Variants in TASOR observed in about 807,000 individuals in gnomAD.
TASOR encodes the protein transcription activation suppressor, also known as protein TASOR.
In TASOR, 53 loss-of-function variants were observed where a neutral mutation model predicts 178.6. That is an observed-to-expected ratio of 0.30 (90% CI 0.24 to 0.37). TASOR has a LOEUF of 0.37. Among genes scored for constraint, TASOR ranks in the 10% least tolerant of loss-of-function variants. TASOR has a pLI of 1.00. For synonymous variants in TASOR, 713 were observed against 696.2 expected (o/e 1.02, Z -0.38); for missense variants, 1,815 against 1,971.4 (o/e 0.92, Z 1.50).
rs773591992 is a variant in TASOR at position 56,621,390 on chromosome 3, A to G, written c.*1647T>C. ...ATATCCAAATGAGGTGGTCTAGTACAAGCATTTCTGAAAAAATTTTTGAAT... is the reference window on the plus strand; with the variant it reads ...ATATCCAAATGAGGTGGTCTAGTACGAGCATTTCTGAAAAAATTTTTGAAT... On this transcript the variant is annotated 3_prime_UTR_variant, in exon 24 of 24. Coordinates refer to ENST00000683822, the MANE Select transcript of TASOR (RefSeq NM_001365635.2). The G allele has an allele frequency of 5.7e-6, 3 of 526,868 alleles. No homozygotes were observed. The highest frequency in any genetic ancestry group is 1.0e-5 in the Non-Finnish European group (3 of 295,036). 32.6% of individuals were successfully genotyped at this position (526,868 alleles called of 1,614,324 possible).
intron 13 of TASOR, among the ~76,000 whole-genome samples, chr3:56,647,664 T>C (rs2077263712): frequency 6.6e-6 from 1 of 152,150 alleles, no homozygotes; most frequent in Non-Finnish European, 1.5e-5. Flanking sequence ...AGATGCTGAG[T>C]AGCCACAACT....
rs2077293946 is a variant in TASOR at position 56,648,987 on chromosome 3, T to C, written c.1439A>G (p.Tyr480Cys). ...TTTATTAAAGAGAGACCACCTACCA[T>C]ATGGAGGAACCATCTGATAAGGGGA... Reference protein sequence around the residue: ...LLSPYQMVPPYEYQTAKSRVL... With the variant: ...LLSPYQMVPPCEYQTAKSRVL... Residue 480 changes from tyrosine to cysteine, a missense_variant and splice_region_variant, in exon 12 of 24, where the codon TAT (tyrosine) becomes TGT (cysteine). Physicochemically the swap from Tyr to Cys is radical, Grantham distance 194. This residue lies in a region of TASOR where 504 missense variants were observed against 645.3 expected (regional missense o/e 0.78). Coordinates refer to ENST00000683822, the MANE Select transcript of TASOR (RefSeq NM_001365635.2). 3.1e-6 allele frequency: 5 copies of C among 1,606,764 alleles called. No homozygotes were observed. The highest frequency in any genetic ancestry group is 4.5e-5 in the East Asian group (2 of 44,782).
At chr3:56,636,409 GT>G (rs1373154760) in intron 17 of TASOR, among the ~76,000 whole-genome samples, 8 of 151,938 alleles carry the variant, frequency 5.3e-5, no homozygotes, top group African/African-American at 1.9e-4. Flanking sequence ...TGGTGGTGTT[GT>G]TGTTGTTGTT....
chr3:56,681,597 CTG>C (rs768744371), intron 1 of TASOR, among the ~76,000 whole-genome samples: 2 of 152,310 alleles, frequency 1.3e-5, no homozygotes, highest in South Asian at 2.1e-4. Context: ...AGCCAAGACT[CTG>C]TACCAGATGG....
chr3:56,641,337 C>A lies in TASOR; in HGVS notation c.2619+12G>T. On this transcript the variant is annotated intron_variant, in intron 15 of 23. Coordinates refer to ENST00000683822, the MANE Select transcript of TASOR (RefSeq NM_001365635.2). ...TCACAAACACAAAGGTAACCAACAG[C>A]TATATGCTTACTTCTTTCAAATGTA... 6.3e-7 allele frequency: 1 copy of A among 1,577,782 alleles called. No homozygotes were observed. Among genetic ancestry groups the A allele is most frequent in the Non-Finnish European group, 8.7e-7 (1 of 1,153,956 alleles).
intron 6 of TASOR, among the ~76,000 whole-genome samples, chr3:56,667,736 G>C (rs2030194730): frequency 6.6e-6 from 1 of 152,170 alleles, no homozygotes; most frequent in Admixed American, 6.6e-5. Flanking sequence ...AGGAGTTCTA[G>C]ACCAGCCTGG....
intron 14 of TASOR, 81 bp from the exon 15 acceptor site, chr3:56,641,833 T>C: frequency 7.2e-7 from 1 of 1,393,470 alleles, no homozygotes; most frequent in Non-Finnish European, 9.7e-7. Flanking sequence ...CCTAAAAAAT[T>C]ATCATAAAGC....
At chr3:56,676,945 T>C (rs2031352787) in intron 1 of TASOR, among the ~76,000 whole-genome samples, 1 of 152,244 alleles carries the variant, frequency 6.6e-6, no homozygotes. Flanking sequence ...ATCCTAATTA[T>C]TTTGTATTGC....
Position 56,682,966 on chromosome 3 carries a change from T to C in TASOR, c.41A>G (p.Asp14Gly). 2.6e-6 allele frequency: 4 copies of C among 1,549,300 alleles called. No individual in the cohort carries two copies. The highest frequency in any genetic ancestry group is 3.5e-6 in the Non-Finnish European group (4 of 1,146,244). ...AVETEACQPT[D>G]ASWESGGGGD... Reference sequence around the variant, plus strand: ...GCCGCCGCCACTTTCCCAACTCGCATCCGTCGGCTGACAGGCCTCCGTCTC... The same window carrying C: ...GCCGCCGCCACTTTCCCAACTCGCACCCGTCGGCTGACAGGCCTCCGTCTC... The change falls in exon 1 of 24, where the codon GAT (aspartate) becomes GGT (glycine). Residue 14 changes from aspartate (D) to glycine (G), a missense_variant. Asp to Gly is a moderately conservative substitution (Grantham distance 94). Transcript: ENST00000683822.
At position 56,633,365 on chromosome 3, in the gene TASOR, C is replaced by T; in HGVS notation, c.3426G>A (p.Leu1142=). 1.2e-6 allele frequency: 2 copies of T among 1,614,126 alleles called. No individual in the cohort carries two copies. The highest frequency in any genetic ancestry group is 1.7e-6 in the Non-Finnish European group (2 of 1,180,016). ...HLLEPLCSDP[L]KDTNSDEQHS... is the part of the protein sequence containing the mutation. Reference sequence around the variant, plus strand: ...GCTGCTCATCAGAGTTGGTATCTTTCAAAGGATCACTACACAGTGGCTCAA... The same window carrying T: ...GCTGCTCATCAGAGTTGGTATCTTTTAAAGGATCACTACACAGTGGCTCAA... Residue 1142 remains leucine, a synonymous_variant, in exon 18 of 24, where the codon TTG becomes TTA. Coordinates refer to ENST00000683822, the MANE Select transcript of TASOR (RefSeq NM_001365635.2).
intron 17 of TASOR, among the ~76,000 whole-genome samples, chr3:56,635,140 T>C (rs1193667760): frequency 1.3e-5 from 2 of 152,204 alleles, no homozygotes; most frequent in Non-Finnish European, 2.9e-5. Context: ...AAGGTTTAAA[T>C]AGCCTCACTA....
At chr3:56,629,871 A>G (rs2076873495) in intron 18 of TASOR, among the ~76,000 whole-genome samples, 1 of 152,102 alleles carries the variant, frequency 6.6e-6, no homozygotes, top group Non-Finnish European at 1.5e-5. Flanking sequence ...CACCTTCTAC[A>G]CTGATTTTGA....
chr3:56,668,700 G>C, intron 5 of TASOR, 142 bp from the exon 6 acceptor site: 1 of 672,270 alleles, frequency 1.5e-6, no homozygotes, highest in Non-Finnish European at 2.4e-6. Context: ...ACAGCTGGGC[G>C]CGGTGACTCA....
rs2076963604 is a variant in TASOR at position 56,633,803 on chromosome 3, A to T, written c.2988T>A (p.Gly996=). The change falls in exon 18 of 24, where the codon GGT becomes GGA. Residue 996 remains glycine (G), a synonymous_variant. Transcript: ENST00000683822. ...CTGGCACACACTGCTCCTCCACCTG[A>T]CCTGTCAACACGTCATCCTCAGTGG... is the stretch of plus-strand genomic sequence containing the variant. ...KGTTEDDVLT[G]QVEEQCVPAA... 1 of 1,613,952 alleles carries T rather than the reference A, an allele frequency of 6.2e-7. No individual in the cohort carries two copies. Among genetic ancestry groups the T allele is most frequent in the Non-Finnish European group, 8.5e-7 (1 of 1,180,028 alleles).
chr3:56,636,410 T>G lies in TASOR; in HGVS notation c.2824+2296A>C, dbSNP rs183671169. The stretch of plus-strand genomic sequence containing the variant: ...GTTGTTGGTGGTGGTGGTGGTGTTG[T>G]TGTTGTTGTTGTTGAGACAGAGACT... On this transcript the variant is annotated intron_variant, in intron 17 of 23. Transcript: ENST00000683822. Among the ~76,000 whole-genome samples the G allele has an allele frequency of 6.8e-3, 1,029 of 152,096 alleles. 10 individuals carry two copies. The highest frequency in any genetic ancestry group is 0.023 in the African/African-American group (968 of 41,490).
chr3:56,664,528 A>G (rs1445118552), intron 7 of TASOR, among the ~76,000 whole-genome samples: 4 of 152,228 alleles, frequency 2.6e-5, no homozygotes, highest in African/African-American at 9.6e-5. Context: ...TCACCTACAT[A>G]AAAGGACCGT....
intron 8 of TASOR, among the ~76,000 whole-genome samples, chr3:56,663,248 A>G (rs2077636964): frequency 6.6e-6 from 1 of 152,196 alleles, no homozygotes; most frequent in Non-Finnish European, 1.5e-5. Context: ...ATCTTCTCTA[A>G]TTCTAAGTCC....
rs2076660059 is a variant in TASOR at position 56,621,710 on chromosome 3, A to T, written c.*1327T>A. 10 of 791,840 alleles carry T rather than the reference A, an allele frequency of 1.3e-5. No homozygotes were observed. Among genetic ancestry groups the T allele is most frequent in the Middle Eastern group, 3.4e-4 (1 of 2,964 alleles). 49.1% of individuals were successfully genotyped at this position (791,840 alleles called of 1,614,324 possible). A position where few individuals can be genotyped will look rare whatever the true frequency, so the allele number is the denominator to read the frequency against. Reference sequence around the variant, plus strand: ...CAACTGTATTTTTCAAATAGCCTAGATTTACTTATTTTTTTAAATGCTCAT... The same window carrying T: ...CAACTGTATTTTTCAAATAGCCTAGTTTTACTTATTTTTTTAAATGCTCAT... On this transcript the variant is annotated 3_prime_UTR_variant, in exon 24 of 24. Transcript: ENST00000683822.
chr3:56,626,674 T>C (rs1578184185), intron 21 of TASOR, among the ~76,000 whole-genome samples: 2 of 151,438 alleles, frequency 1.3e-5, no homozygotes, highest in African/African-American at 4.9e-5. Context: ...ACCCAGGAGG[T>C]GGAGGTTGCA....
Sources: allele counts gnomAD v4.1 joint callset (sites outside exome capture counted in the v4.1 genomes callset), GRCh38; gene constraint gnomAD v4.1.1; regional missense constraint gnomAD v4.1.1; transcripts MANE v1.5; gene names NCBI Gene and HGNC (gene_info 2026-07-23, HGNC 2026-07-21).